The following NREP variants were observed in gnomAD, a reference collection of about 807,000 sequenced individuals.
NREP encodes the protein neuronal regeneration-related protein.
Under a neutral mutation model 8.6 loss-of-function variants are expected in NREP, and 5 were observed. The observed-to-expected ratio is 0.58, with a 90% CI of 0.30 to 1.22. The LOEUF is 1.22. Among genes scored for constraint, NREP ranks in the 50% most tolerant of loss-of-function variants. NREP has a pLI of 0.07. For missense variants in NREP, 86 were observed against 82.5 expected, an observed-to-expected ratio of 1.04 and a Z score of -0.17; for synonymous variants, 27 against 28.0, an observed-to-expected ratio of 0.96 and a Z score of 0.11.
At chr5:111,838,579 G>T (rs1165851405) in intron 2 of NREP, among the ~76,000 whole-genome samples, 1 of 152,098 alleles carries the variant, frequency 6.6e-6, no homozygotes, top group Non-Finnish European at 1.5e-5. Context: ...TGAGGAAGAA[G>T]AAATTCTGCT....
At chr5:111,953,067 T>G (rs1324277133) in intron 2 of NREP, among the ~76,000 whole-genome samples, 2 of 152,128 alleles carry the variant, frequency 1.3e-5, no homozygotes, top group African/African-American at 2.4e-5. Context: ...CAGCTGAAAT[T>G]ACGCTTTTTA....
rs1554098878 is a variant in NREP at position 111,781,914 on chromosome 5, T to TGAATAATTAATTCCTCTA, written c.136-46408_136-46407insTAGAGGAATTAATTATTC. Among the ~76,000 whole-genome samples the TGAATAATTAATTCCTCTA allele has an allele frequency of 2.5e-3, 374 of 152,278 alleles. 4 individuals carry two copies. The highest frequency in any genetic ancestry group is 8.7e-3 in the African/African-American group (362 of 41,536). On this transcript the variant is annotated intron_variant, in intron 2 of 3. Coordinates refer to the NREP transcript ENST00000395634. ...TGAGAAAACAAGTGGCTTGACACAC[T>TGAATAATTAATTCCTCTA]GATTCAGCTATTTACTAACCATGTG...
chr5:111,947,813 A>G (rs1756033976), intron 2 of NREP, among the ~76,000 whole-genome samples: 1 of 152,070 alleles, frequency 6.6e-6, no homozygotes, highest in South Asian at 2.1e-4. Context: ...ATTTGATAGC[A>G]TATTTTAGTT....
rs1433001806 is a variant in NREP, at chr5:111,816,770, A to G, written c.136-81263T>C. Among the ~76,000 whole-genome samples the G allele has an allele frequency of 2.0e-5, 3 of 151,704 alleles. No homozygotes were observed. In the East Asian group the frequency reaches 5.8e-4, roughly 29 times the overall value. ...AAAGTAAGATGATAGTTTTAAACTG[A>G]ATATATCACAATTATAATATGTAAA... On this transcript the variant is annotated intron_variant, in intron 2 of 3. Transcript: ENST00000395634.
chr5:111,807,158 T>G (rs1752162314), intron 2 of NREP, among the ~76,000 whole-genome samples: 1 of 152,200 alleles, frequency 6.6e-6, no homozygotes. Context: ...TCTATTGACT[T>G]CGTCTTAAAA....
At chr5:111,948,697 G>T (rs1756064904) in intron 2 of NREP, among the ~76,000 whole-genome samples, 1 of 152,032 alleles carries the variant, frequency 6.6e-6, no homozygotes, top group African/African-American at 2.4e-5. Flanking sequence ...CTATCAGTCT[G>T]TCACCTTTCT....
intron 2 of NREP, among the ~76,000 whole-genome samples, chr5:111,822,012 C>T (rs1439472850): frequency 6.6e-6 from 1 of 152,014 alleles, no homozygotes; most frequent in Admixed American, 6.6e-5. Flanking sequence ...TTTAAGTAAA[C>T]TTTTTATTAT....
intron 2 of NREP, among the ~76,000 whole-genome samples, chr5:111,951,887 AG>A (rs1756170583): frequency 4.6e-5 from 7 of 152,096 alleles, no homozygotes; most frequent in Middle Eastern, 3.2e-3. Context: ...TAGAAATAAT[AG>A]AGCAATCATA....
chr5:111,811,285 C>T (rs1228693664), intron 2 of NREP, among the ~76,000 whole-genome samples: 1 of 151,788 alleles, frequency 6.6e-6, no homozygotes, highest in East Asian at 1.9e-4. Flanking sequence ...GAATATTGAA[C>T]ACCACTGAGA....
chr5:111,879,055 G>C (rs1238322393), intron 2 of NREP, among the ~76,000 whole-genome samples: 2 of 152,178 alleles, frequency 1.3e-5, no homozygotes, highest in African/African-American at 4.8e-5. Flanking sequence ...ATTATCTCAT[G>C]AATGGCTTTG....
chr5:111,891,578 A>C (rs1293959416), intron 2 of NREP, among the ~76,000 whole-genome samples: 1 of 152,194 alleles, frequency 6.6e-6, no homozygotes, highest in Non-Finnish European at 1.5e-5. Flanking sequence ...GAAATAACTT[A>C]GATTGGGTAA....
intron 2 of NREP, among the ~76,000 whole-genome samples, chr5:111,920,425 G>A (rs573898157): frequency 1.3e-5 from 2 of 152,220 alleles, no homozygotes; most frequent in Non-Finnish European, 2.9e-5. Flanking sequence ...AGCCCTGCAT[G>A]CATTAGCTAT....
chr5:111,849,987 C>A (rs533344173), intron 2 of NREP, among the ~76,000 whole-genome samples: 1 of 152,276 alleles, frequency 6.6e-6, no homozygotes, highest in South Asian at 2.1e-4. Context: ...TGTGGACTCA[C>A]CATATTAGCC....
chr5:111,747,020 G>T (rs1486708917), intron 2 of NREP, among the ~76,000 whole-genome samples: 3 of 152,224 alleles, frequency 2.0e-5, no homozygotes, highest in Non-Finnish European at 4.4e-5. Flanking sequence ...AACAATGTCT[G>T]GCAAATGAGC....
chr5:111,760,268 T>A (rs1002216058), upstream of NREP, among the ~76,000 whole-genome samples: 1 of 152,144 alleles, frequency 6.6e-6, no homozygotes, highest in African/African-American at 2.4e-5. Flanking sequence ...TACCAAATGT[T>A]CCAAGGGGTC....
intron 2 of NREP, among the ~76,000 whole-genome samples, chr5:111,832,095 T>C (rs930050112): frequency 1.5e-3 from 222 of 152,136 alleles, no homozygotes; most frequent in African/African-American, 5.2e-3. Context: ...GAAGTTACTC[T>C]TACGGGAATG....
At chr5:111,755,626 C>T in intron 2 of NREP, 144 bp downstream of exon 2, 2 of 888,212 alleles carry the variant, frequency 2.3e-6, no homozygotes, top group Non-Finnish European at 3.8e-6. Flanking sequence ...GCAACGCTCC[C>T]AGGAACTGGA....
chr5:111,864,496 A>G (rs1190556302), intron 2 of NREP, among the ~76,000 whole-genome samples: 1 of 152,168 alleles, frequency 6.6e-6, no homozygotes, highest in Non-Finnish European at 1.5e-5. Context: ...ATCTTTTTGT[A>G]TATAATGGAA....
intron 2 of NREP, among the ~76,000 whole-genome samples, chr5:111,777,290 C>A (rs928506027): frequency 6.6e-6 from 1 of 151,980 alleles, no homozygotes; most frequent in Non-Finnish European, 1.5e-5. Context: ...GAATTTAATT[C>A]TCGCAAGGAA....
Sources: allele counts gnomAD v4.1 joint callset (sites outside exome capture counted in the v4.1 genomes callset), GRCh38; gene constraint gnomAD v4.1.1; transcripts MANE v1.5; gene names NCBI Gene and HGNC (gene_info 2026-07-23, HGNC 2026-07-21).